UXS1: variants seen among roughly 807,000 people sequenced by gnomAD.
UXS1 encodes the protein UDP-glucuronate decarboxylase 1.
UXS1 carries 33 observed loss-of-function variants against 62.6 expected under a neutral mutation model. That is an observed-to-expected ratio of 0.53 (90% CI 0.40 to 0.70). The LOEUF (loss-of-function observed/expected upper bound fraction) is 0.70, where lower values mean the gene tolerates loss of function less well. UXS1 is among the 30% of genes least tolerant of loss of function. The pLI is 0.00. For missense variants in UXS1, 434 were observed against 556.3 expected, an observed-to-expected ratio of 0.78 and a Z score of 2.21; for synonymous variants, 213 against 206.8, an observed-to-expected ratio of 1.03 and a Z score of -0.26.
At chr2:106,165,111 G>A (rs2105061651) in intron 2 of UXS1, among the ~76,000 whole-genome samples, 2 of 152,352 alleles carry the variant, frequency 1.3e-5, no homozygotes, top group South Asian at 2.1e-4. Flanking sequence ...GTCTGTAGGA[G>A]TATGTGTTTG....
chr2:106,126,895 CA>C (rs1213475159), intron 7 of UXS1, among the ~76,000 whole-genome samples: 1 of 152,170 alleles, frequency 6.6e-6, no homozygotes, highest in East Asian at 1.9e-4. Context: ...GGCCCTTCTA[CA>C]GCCTCTCCTC....
chr2:106,119,407 C>T (rs1045314501), intron 9 of UXS1, among the ~76,000 whole-genome samples: 1 of 152,142 alleles, frequency 6.6e-6, no homozygotes, highest in African/African-American at 2.4e-5. Flanking sequence ...GCCCATCCTC[C>T]CATCTGTGAG....
intron 1 of UXS1, among the ~76,000 whole-genome samples, chr2:106,186,716 C>T (rs1684580342): frequency 6.6e-6 from 1 of 151,948 alleles, no homozygotes; most frequent in African/African-American, 2.4e-5. Flanking sequence ...TACTCAGGAG[C>T]CTGAGGCAGG....
chr2:106,179,065 C>G (rs1180592721), intron 1 of UXS1, among the ~76,000 whole-genome samples: 2 of 152,146 alleles, frequency 1.3e-5, no homozygotes, highest in Admixed American at 1.3e-4. Context: ...CCTGCATGGT[C>G]ACTGGTGTCT....
At chr2:106,097,652 C>T (rs545158331) in intron 13 of UXS1, 4 of 212,478 alleles carry the variant, frequency 1.9e-5, no homozygotes, top group African/African-American at 6.6e-5. Context: ...ATCTGGGGGC[C>T]TGGGCTAGGG....
intron 13 of UXS1, chr2:106,097,284 G>A (rs1190026793): frequency 2.2e-6 from 1 of 446,672 alleles, no homozygotes; most frequent in Non-Finnish European, 4.6e-6. Flanking sequence ...GACCCAAGAT[G>A]TGCAGCCACC....
At chr2:106,129,562 G>A in intron 7 of UXS1, 112 bp downstream of exon 7, 1 of 900,344 alleles carries the variant, frequency 1.1e-6, no homozygotes, top group South Asian at 1.4e-5. Context: ...GGCAATAAGG[G>A]ACGAGGGAAC....
intron 12 of UXS1, among the ~76,000 whole-genome samples, chr2:106,099,227 T>C (rs1677382787): frequency 6.6e-6 from 1 of 152,118 alleles, no homozygotes; most frequent in Non-Finnish European, 1.5e-5. Context: ...CAGAAATGAG[T>C]AGGCTCACAG....
intron 1 of UXS1, among the ~76,000 whole-genome samples, chr2:106,181,359 G>A (rs747274714): frequency 3.9e-5 from 6 of 152,184 alleles, no homozygotes; most frequent in Admixed American, 2.0e-4. Flanking sequence ...AGGCTCCAGC[G>A]AGCACCACCG....
chr2:106,106,604 T>C (rs1678093649), intron 10 of UXS1, among the ~76,000 whole-genome samples: 1 of 152,070 alleles, frequency 6.6e-6, no homozygotes, highest in African/African-American at 2.4e-5. Context: ...CTGCAACAAA[T>C]CTCAGTAAAG....
At chr2:106,103,254 T>C (rs550779011) in intron 11 of UXS1, among the ~76,000 whole-genome samples, 14 of 152,342 alleles carry the variant, frequency 9.2e-5, no homozygotes, top group African/African-American at 3.4e-4. Context: ...TTGCACACAA[T>C]GCCCTTGAGA....
intron 1 of UXS1, among the ~76,000 whole-genome samples, chr2:106,180,819 A>C (rs151084966): frequency 1.1e-4 from 17 of 152,340 alleles, no homozygotes; most frequent in Admixed American, 2.6e-4. Context: ...ACAACAAAGA[A>C]GTGGACTCTC....
At chr2:106,121,687 C>T (rs1288860860) in intron 9 of UXS1, among the ~76,000 whole-genome samples, 1 of 152,226 alleles carries the variant, frequency 6.6e-6, no homozygotes, top group Non-Finnish European at 1.5e-5. Context: ...TGTAAGCCAA[C>T]AGACTAAAGT....
chr2:106,111,334 G>A (rs1229874398), intron 10 of UXS1, among the ~76,000 whole-genome samples: 1 of 152,206 alleles, frequency 6.6e-6, no homozygotes, highest in Non-Finnish European at 1.5e-5. Flanking sequence ...TAGTGACAGG[G>A]GGAGGTGGGA....
chr2:106,112,314 C>T (rs1678686225), intron 10 of UXS1, among the ~76,000 whole-genome samples: 1 of 152,246 alleles, frequency 6.6e-6, no homozygotes, highest in Non-Finnish European at 1.5e-5. Context: ...CATCCGAGGA[C>T]ACCCAGTACA....
intron 5 of UXS1, among the ~76,000 whole-genome samples, chr2:106,152,757 C>T (rs1055679060): frequency 2.0e-5 from 3 of 152,066 alleles, no homozygotes; most frequent in African/African-American, 7.2e-5. Flanking sequence ...GGTATCTCAA[C>T]AGGAAGGGCC....
chr2:106,167,838 T>A (rs547396645), intron 1 of UXS1, among the ~76,000 whole-genome samples: 4 of 152,018 alleles, frequency 2.6e-5, no homozygotes, highest in Non-Finnish European at 2.9e-5. Flanking sequence ...GCATTATAAG[T>A]CACAGGATGA....
At chr2:106,157,938 T>G (rs1682571384) in intron 5 of UXS1, 120 bp downstream of exon 5, 2 of 872,584 alleles carry the variant, frequency 2.3e-6, no homozygotes, top group Middle Eastern at 3.5e-4. Flanking sequence ...TCTGTGGACA[T>G]ACTATAAGCC....
At chr2:106,111,350 G>A (rs970357346) in intron 10 of UXS1, among the ~76,000 whole-genome samples, 5 of 152,194 alleles carry the variant, frequency 3.3e-5, no homozygotes, top group African/African-American at 9.7e-5. Flanking sequence ...TGGGAGAGCT[G>A]GCATGGGCTG....
Sources: allele counts gnomAD v4.1 joint callset (sites outside exome capture counted in the v4.1 genomes callset), GRCh38; gene constraint gnomAD v4.1.1; transcripts MANE v1.5; gene names NCBI Gene and HGNC (gene_info 2026-07-23, HGNC 2026-07-21).